CACNA2D1: variants seen among roughly 807,000 people sequenced by gnomAD.
CACNA2D1 encodes voltage-dependent calcium channel subunit alpha-2/delta-1.
CACNA2D1 carries 53 observed loss-of-function variants against 171.5 expected under a neutral mutation model. The observed-to-expected ratio is 0.31, with a 90% CI of 0.25 to 0.39. The LOEUF is 0.39. CACNA2D1 is among the 10% of genes least tolerant of loss of function. The pLI is 1.00. For synonymous variants in CACNA2D1, 442 were observed against 443.1 expected (o/e 1.00, Z 0.03); for missense variants, 903 against 1,299.8 (o/e 0.69, Z 4.69).
intron 3 of CACNA2D1, among the ~76,000 whole-genome samples, chr7:82,231,354 A>T (rs1389717457): frequency 6.6e-6 from 1 of 152,220 alleles, no homozygotes; most frequent in Non-Finnish European, 1.5e-5. Context: ...CATAAGAAGA[A>T]GCAATAGGAA....
At chr7:82,410,383 A>T in intron 1 of CACNA2D1, 1 of 375,812 alleles carries the variant, frequency 2.7e-6, no homozygotes, top group Non-Finnish European at 3.7e-6. Flanking sequence ...TACCTAATCC[A>T]TTTTTATTAA....
At chr7:82,221,411 T>C (rs1801746391) in intron 3 of CACNA2D1, among the ~76,000 whole-genome samples, 2 of 152,158 alleles carry the variant, frequency 1.3e-5, no homozygotes, top group Non-Finnish European at 2.9e-5. Flanking sequence ...TTTTCTACAG[T>C]AGATTCTCTA....
intron 6 of CACNA2D1, among the ~76,000 whole-genome samples, chr7:82,105,020 T>C (rs1257507098): frequency 6.6e-6 from 1 of 152,066 alleles, no homozygotes; most frequent in Non-Finnish European, 1.5e-5. Flanking sequence ...CCTTCAGGAA[T>C]TATCTTATTT....
chr7:82,129,815 T>C (rs1213376958), intron 5 of CACNA2D1, among the ~76,000 whole-genome samples: 1 of 152,208 alleles, frequency 6.6e-6, no homozygotes, highest in East Asian at 1.9e-4. Flanking sequence ...TGGGAAGTAG[T>C]CTTTCTTCCC....
intron 5 of CACNA2D1, among the ~76,000 whole-genome samples, chr7:82,127,740 G>A (rs1056072815): frequency 3.3e-5 from 5 of 152,082 alleles, no homozygotes; most frequent in Admixed American, 2.6e-4. Context: ...GAATTGTATG[G>A]TATCATGATC....
intron 3 of CACNA2D1, among the ~76,000 whole-genome samples, chr7:82,278,701 T>C (rs1275664453): frequency 6.6e-6 from 1 of 151,588 alleles, no homozygotes; most frequent in Non-Finnish European, 1.5e-5. Context: ...GAGTAAGAAA[T>C]ACAACAATTC....
chr7:82,213,546 A>C (rs1472019593), intron 3 of CACNA2D1, among the ~76,000 whole-genome samples: 2 of 152,208 alleles, frequency 1.3e-5, no homozygotes, highest in Non-Finnish European at 2.9e-5. Flanking sequence ...AAAGCCAAAA[A>C]CTAAAACAAA....
At chr7:82,048,370 C>A (rs938010063) in intron 10 of CACNA2D1, among the ~76,000 whole-genome samples, 2 of 151,892 alleles carry the variant, frequency 1.3e-5, no homozygotes, top group African/African-American at 2.4e-5. Context: ...GATTACTGAA[C>A]AAAACATTAC....
At chr7:82,365,635 G>C (rs1356692050) in intron 1 of CACNA2D1, among the ~76,000 whole-genome samples, 2 of 152,340 alleles carry the variant, frequency 1.3e-5, no homozygotes, top group South Asian at 2.1e-4. Flanking sequence ...TGGCTACATA[G>C]AGAAATGAAG....
At chr7:82,301,203 C>T (rs116562675) in intron 3 of CACNA2D1, among the ~76,000 whole-genome samples, 5,738 of 152,086 alleles carry the variant, frequency 0.038, 135 homozygotes, top group South Asian at 0.088. Context: ...CTCAGCTCAC[C>T]GCAAACTCTG....
In CACNA2D1 at chr7:82,046,945, T is replaced by A. The variant is rs77028176; in HGVS notation, c.880-8710A>T. On this transcript the variant is annotated intron_variant, in intron 10 of 38. Transcript: ENST00000356860. ...AATTACCATTTTTAATATATTCTTTTTATATTTTGATAGAGAAAATTTTAT... is the reference window on the plus strand; with the variant it reads ...AATTACCATTTTTAATATATTCTTTATATATTTTGATAGAGAAAATTTTAT... Among the ~76,000 whole-genome samples, 903 of 152,306 alleles carry A rather than the reference T, an allele frequency of 5.9e-3. 10 individuals carry two copies. Among genetic ancestry groups the A allele is most frequent in the African/African-American group, 0.021 (862 of 41,572 alleles).
At chr7:82,087,386 T>C (rs2129014416) in intron 6 of CACNA2D1, among the ~76,000 whole-genome samples, 1 of 152,262 alleles carries the variant, frequency 6.6e-6, no homozygotes, top group South Asian at 2.1e-4. Context: ...TCGTGTTCAC[T>C]GAACAATGTT....
intron 7 of CACNA2D1, among the ~76,000 whole-genome samples, chr7:82,072,784 T>A (rs1808482261): frequency 6.6e-6 from 1 of 151,896 alleles, no homozygotes; most frequent in Non-Finnish European, 1.5e-5. Context: ...TTGGATAAAT[T>A]AACTTTTTTT....
chr7:82,004,487 A>G (rs185405992), intron 18 of CACNA2D1, among the ~76,000 whole-genome samples: 40 of 151,778 alleles, frequency 2.6e-4, no homozygotes, highest in African/African-American at 9.2e-4. Flanking sequence ...CATTTAATGT[A>G]TTTTTGCATT....
chr7:82,407,504 T>C (rs998570656), intron 1 of CACNA2D1, among the ~76,000 whole-genome samples: 2 of 152,226 alleles, frequency 1.3e-5, no homozygotes, highest in African/African-American at 4.8e-5. Context: ...CAATGCTTGC[T>C]AAAATTTTTG....
intron 3 of CACNA2D1, among the ~76,000 whole-genome samples, chr7:82,203,167 G>C (rs1799642645): frequency 6.6e-6 from 1 of 152,156 alleles, no homozygotes; most frequent in Admixed American, 6.5e-5. Context: ...ACAACCAGAG[G>C]CCACGTGTGG....
At chr7:81,974,667 T>C (rs1688745977) in intron 24 of CACNA2D1, 115 bp from the exon 25 acceptor site, 2 of 620,784 alleles carry the variant, frequency 3.2e-6, no homozygotes, top group Middle Eastern at 4.4e-4. Context: ...TTGCAAACTA[T>C]TGAGCTTCTT....
chr7:82,152,313 G>A (rs1433744794), intron 4 of CACNA2D1, among the ~76,000 whole-genome samples: 2 of 120,640 alleles, frequency 1.7e-5, no homozygotes, highest in Non-Finnish European at 3.1e-5. Flanking sequence ...GTTGAGCTCA[G>A]GCTAAGAATT....
At chr7:82,106,566 A>C (rs1468403912) in intron 6 of CACNA2D1, among the ~76,000 whole-genome samples, 2 of 152,034 alleles carry the variant, frequency 1.3e-5, no homozygotes, top group Non-Finnish European at 2.9e-5. Context: ...ATTCCCTACT[A>C]AACAGTAAGA....
Sources: allele counts gnomAD v4.1 joint callset (sites outside exome capture counted in the v4.1 genomes callset), GRCh38; gene constraint gnomAD v4.1.1; transcripts MANE v1.5; gene names NCBI Gene and HGNC (gene_info 2026-07-23, HGNC 2026-07-21).